The following SEMA6D variants were observed in gnomAD, a reference collection of about 807,000 sequenced individuals.
SEMA6D encodes semaphorin 6D, also known as semaphorin-6D.
A neutral mutation model predicts 106.6 loss-of-function variants in SEMA6D; 35 were observed. The observed-to-expected ratio is 0.33, with a 90% confidence interval of 0.25 to 0.44. The LOEUF (loss-of-function observed/expected upper bound fraction) is 0.44. Among genes scored for constraint, SEMA6D ranks in the 20% least tolerant of loss-of-function variants. SEMA6D has a pLI of 1.00. For synonymous variants in SEMA6D, 499 were observed against 487.7 expected, an observed-to-expected ratio of 1.02 and a Z score of -0.31; for missense variants, 1,185 against 1,345.9, an observed-to-expected ratio of 0.88 and a Z score of 1.87.
intron 1 of SEMA6D, among the ~76,000 whole-genome samples, chr15:47,350,840 C>T (rs1258820370): frequency 6.6e-6 from 1 of 152,078 alleles, no homozygotes; most frequent in Non-Finnish European, 1.5e-5. Context: ...TTTATCTTAA[C>T]TCATGAGGCC....
At chr15:47,495,489 T>C (rs959388812) in intron 3 of SEMA6D, among the ~76,000 whole-genome samples, 2 of 152,020 alleles carry the variant, frequency 1.3e-5, no homozygotes, top group African/African-American at 4.8e-5. Flanking sequence ...ATAGTTCCAT[T>C]ACTATTTATG....
chr15:47,580,637 C>G (rs2142997735), intron 3 of SEMA6D, among the ~76,000 whole-genome samples: 1 of 152,278 alleles, frequency 6.6e-6, no homozygotes, highest in East Asian at 1.9e-4. Flanking sequence ...CCCATTCATT[C>G]ATTTATTCAA....
intron 3 of SEMA6D, among the ~76,000 whole-genome samples, chr15:47,570,332 T>C (rs1289557838): frequency 6.6e-6 from 1 of 152,154 alleles, no homozygotes; most frequent in Non-Finnish European, 1.5e-5. Flanking sequence ...CCGCGGCCAT[T>C]ACTCACCTGG....
intron 4 of SEMA6D, among the ~76,000 whole-genome samples, chr15:47,666,096 C>T (rs1486512356): frequency 2.6e-5 from 4 of 152,200 alleles, no homozygotes; most frequent in Admixed American, 6.5e-5. Flanking sequence ...TCAGACATCC[C>T]GAACATTTCT....
At chr15:47,387,339 G>A (rs996500885) in intron 1 of SEMA6D, among the ~76,000 whole-genome samples, 1 of 152,190 alleles carries the variant, frequency 6.6e-6, no homozygotes, top group African/African-American at 2.4e-5. Context: ...CTTATACTCT[G>A]CTAGTGAAAC....
intron 3 of SEMA6D, among the ~76,000 whole-genome samples, chr15:47,562,996 C>T (rs1453011980): frequency 2.0e-5 from 3 of 152,114 alleles, no homozygotes; most frequent in African/African-American, 7.2e-5. Flanking sequence ...TTACATTCAA[C>T]AGCAAAAACA....
In SEMA6D at chr15:47,765,256, A is replaced by C. The variant is rs920110357; in HGVS notation, c.1427+200A>C. On this transcript the variant is annotated intron_variant, in intron 13 of 18. Transcript: ENST00000536845. ...GGGCGAGGGGGGTGAATGGTTGATG[A>C]GTTTAAAAATAATGCAGCCCTTGTT... 2.5e-5 allele frequency: 34 copies of C among 1,357,820 alleles called. No homozygotes were observed. In the East Asian group the frequency reaches 7.1e-4, roughly 28 times the overall value. The allele number at this position is 1,357,820 out of a possible 1,614,324, so 84.1% of individuals were successfully genotyped here. A position where few individuals can be genotyped will look rare whatever the true frequency, so the allele number is the denominator to read the frequency against.
intron 1 of SEMA6D, among the ~76,000 whole-genome samples, chr15:47,392,528 G>A (rs59321834): frequency 0.49 from 74,107 of 151,632 alleles, 21,044 homozygotes; most frequent in African/African-American, 0.8. Flanking sequence ...GTGAAAGATT[G>A]CCAGAAGCTG....
At chr15:47,599,552 T>C (rs2076603575) in intron 3 of SEMA6D, among the ~76,000 whole-genome samples, 1 of 151,652 alleles carries the variant, frequency 6.6e-6, no homozygotes, top group Non-Finnish European at 1.5e-5. Context: ...ATAATATGAG[T>C]ACATTTGGAA....
intron 1 of SEMA6D, among the ~76,000 whole-genome samples, chr15:47,388,011 A>C (rs2039899067): frequency 6.6e-6 from 1 of 152,220 alleles, no homozygotes; most frequent in African/African-American, 2.4e-5. Flanking sequence ...TTAGTATTTT[A>C]AGGATTATTA....
chr15:47,498,674 A>G (rs538680059), intron 3 of SEMA6D, among the ~76,000 whole-genome samples: 33 of 152,264 alleles, frequency 2.2e-4, no homozygotes, highest in South Asian at 4.1e-4. Flanking sequence ...ACCGATTCAA[A>G]ATATATGTTA....
chr15:47,213,637 T>C (rs1325248039), intron 1 of SEMA6D, among the ~76,000 whole-genome samples: 3 of 152,200 alleles, frequency 2.0e-5, no homozygotes, highest in African/African-American at 7.2e-5. Flanking sequence ...ATATATCCCA[T>C]TGGATTTTAC....
upstream of SEMA6D, among the ~76,000 whole-genome samples, chr15:47,715,752 C>T (rs1258044402): frequency 6.6e-6 from 1 of 152,186 alleles, no homozygotes; most frequent in African/African-American, 2.4e-5. Flanking sequence ...GGAATTTTAG[C>T]AAGGAATTTA....
rs1379456340 is a variant in SEMA6D at position 47,361,646 on chromosome 15, G to A, written c.-238-50747G>A. The stretch of plus-strand genomic sequence containing the variant: ...GTCCCAATGTGCTAGCCCAGTGTCC[G>A]TCATTTATTCAATGCTCAGTGCGCA... On this transcript the variant is annotated intron_variant, in intron 1 of 19. Coordinates refer to the SEMA6D transcript ENST00000558014. Among the ~76,000 whole-genome samples the A allele has an allele frequency of 4.6e-5, 7 of 152,252 alleles. No homozygotes were observed. In the East Asian group the frequency reaches 5.8e-4, roughly 13 times the overall value.
chr15:47,558,199 ATT>A (rs1447250697), intron 3 of SEMA6D, among the ~76,000 whole-genome samples: 1 of 152,146 alleles, frequency 6.6e-6, no homozygotes, highest in African/African-American at 2.4e-5. Flanking sequence ...TACTGTCTAT[ATT>A]CTATCATTAT....
intron 4 of SEMA6D, among the ~76,000 whole-genome samples, chr15:47,669,036 A>G (rs2078088015): frequency 6.6e-6 from 1 of 152,030 alleles, no homozygotes; most frequent in African/African-American, 2.4e-5. Context: ...TTATCTTGCT[A>G]TGTTTGGCTT....
intron 1 of SEMA6D, among the ~76,000 whole-genome samples, chr15:47,732,617 C>T (rs1332178829): frequency 6.6e-6 from 1 of 152,188 alleles, no homozygotes; most frequent in Non-Finnish European, 1.5e-5. Context: ...GAGAATTATA[C>T]ATTGTTATTT....
intron 1 of SEMA6D, among the ~76,000 whole-genome samples, chr15:47,295,495 G>T (rs1004418125): frequency 1.3e-5 from 2 of 152,238 alleles, no homozygotes; most frequent in African/African-American, 2.4e-5. Context: ...ACTTCTGAAA[G>T]AACTGTGAGT....
rs147191882 is a variant in SEMA6D at position 47,732,624 on chromosome 15, A to C, written c.-55+14932A>C. Among the ~76,000 whole-genome samples the C allele has an allele frequency of 2.6e-3, 402 of 152,320 alleles. 2 individuals are homozygous for C. Among genetic ancestry groups the C allele is most frequent in the African/African-American group, 9.4e-3 (389 of 41,578 alleles). On this transcript the variant is annotated intron_variant, in intron 1 of 18. Coordinates refer to ENST00000536845, the MANE Select transcript of SEMA6D (RefSeq NM_001358351.3). ...TTGTTATAGAGAATTATACATTGTT[A>C]TTTATACCATTGTTATTTATACATA...
Sources: allele counts gnomAD v4.1 joint callset (sites outside exome capture counted in the v4.1 genomes callset), GRCh38; gene constraint gnomAD v4.1.1; transcripts MANE v1.5; gene names NCBI Gene and HGNC (gene_info 2026-07-23, HGNC 2026-07-21).